The following OCRL variants were observed in gnomAD, a reference collection of about 807,000 sequenced individuals.
OCRL encodes the protein inositol polyphosphate 5-phosphatase OCRL.
Under a neutral mutation model 78.9 loss-of-function variants are expected in OCRL, and 8 were observed. That is an observed-to-expected ratio of 0.10 (90% CI 0.06 to 0.18). OCRL has a LOEUF of 0.18. Among genes scored for constraint, OCRL ranks in the 10% least tolerant of loss-of-function variants. The probability of loss-of-function intolerance (pLI) is 1.00; values close to 1 mark genes in which losing one functional copy is unlikely to be tolerated. For synonymous variants in OCRL, 240 were observed against 235.4 expected, an observed-to-expected ratio of 1.02 and a Z score of -0.18; for missense variants, 454 against 696.7, an observed-to-expected ratio of 0.65 and a Z score of 3.92.
In OCRL at chrX:129,544,963, T is replaced by C; in HGVS notation, c.125T>C (p.Ile42Thr). ...LAQRNGQYEL[I>T]IQLHEKEQHV... is the part of the protein sequence containing the mutation. Reference sequence around the variant, plus strand: ...TGCGTTCTTCTGTTTCCTAGGTTAATAATCCAGTTGCATGAGAAGGAACAG... The same window carrying C: ...TGCGTTCTTCTGTTTCCTAGGTTAACAATCCAGTTGCATGAGAAGGAACAG... Residue 42 changes from isoleucine (I) to threonine (T), a missense_variant, in exon 3 of 24, where the codon ATA becomes ACA. Transcript: ENST00000371113. 8.7e-7 allele frequency: 1 copy of C among 1,152,519 alleles called. No homozygotes were observed. The highest frequency in any genetic ancestry group is 1.8e-5 in the South Asian group (1 of 55,681). 95.0% of individuals were successfully genotyped at this position (1,152,519 alleles called of 1,213,427 possible).
intron 18 of OCRL, among the ~76,000 whole-genome samples, chrX:129,583,272 G>A (rs1161540018): frequency 2.7e-5 from 3 of 111,845 alleles, no homozygotes; most frequent in Non-Finnish European, 5.6e-5. Context: ...TCTTTTAAGT[G>A]GGGTTTCTCA....
intron 12 of OCRL, 141 bp downstream of exon 12, chrX:129,562,927 T>C (rs1169709968): frequency 1.1e-5 from 6 of 544,254 alleles, no homozygotes; most frequent in Non-Finnish European, 1.8e-5. Context: ...GAGAGGGTTT[T>C]TGAGTAATAA....
chrX:129,588,457 C>T (rs1936544207), intron 21 of OCRL, among the ~76,000 whole-genome samples, 194 bp downstream of exon 21: 1 of 112,016 alleles, frequency 8.9e-6, no homozygotes, highest in Non-Finnish European at 1.9e-5. Flanking sequence ...CCAGCTCTTA[C>T]TAAAAGGAAG....
chrX:129,554,153 A>G lies in OCRL; in HGVS notation c.239-3172A>G, dbSNP rs774779451. Among the ~76,000 whole-genome samples, 6 of 74,778 alleles carry G rather than the reference A, an allele frequency of 8.0e-5. 1 individual carries two copies. The South Asian group carries it at 3.2e-3, about 40-fold the overall frequency. The allele number at this position is 74,778 out of a possible 115,157, so 64.9% of individuals were successfully genotyped here. A position where few individuals can be genotyped will look rare whatever the true frequency, so the allele number is the denominator to read the frequency against. ...ATGGGCTGGAGGTTCCCATCAGATT[A>G]AAAAAAAAAAACAGTTACAATGGGG... On this transcript the variant is annotated intron_variant, in intron 4 of 23. Transcript: ENST00000371113.
At chrX:129,578,473 A>G (rs1936400406) in intron 18 of OCRL, among the ~76,000 whole-genome samples, 1 of 104,209 alleles carries the variant, frequency 9.6e-6, no homozygotes, top group Admixed American at 1.0e-4. Flanking sequence ...AACTTATCCC[A>G]TTTATACTCT....
intron 22 of OCRL, 89 bp downstream of exon 22, chrX:129,589,102 G>C: frequency 9.6e-7 from 1 of 1,041,105 alleles, no homozygotes; most frequent in South Asian, 1.9e-5. Context: ...GCAGCCAGCT[G>C]TCTGGTAGGA....
At chrX:129,567,479 C>T (rs1936232233) in intron 14 of OCRL, 116 bp downstream of exon 14, 1 of 505,995 alleles carries the variant, frequency 2.0e-6, no homozygotes, top group Non-Finnish European at 3.5e-6. Flanking sequence ...GATATATAAA[C>T]CTAATGGCTC....
Position 129,569,519 on chromosome X carries a change from C to T in OCRL, c.1602+120C>T, listed in dbSNP as rs1936269745. Reference sequence around the variant, plus strand: ...CATAAATGTTCCATAACCAAATAACCATTTGCAGCATTGAGAGGTTAGTGC... The same window carrying T: ...CATAAATGTTCCATAACCAAATAACTATTTGCAGCATTGAGAGGTTAGTGC... On this transcript the variant is annotated intron_variant, in intron 15 of 23. Coordinates refer to ENST00000371113, the MANE Select transcript of OCRL (RefSeq NM_000276.4). 8.8e-6 allele frequency: 7 copies of T among 796,076 alleles called. No homozygotes were observed. In the Admixed American group the frequency reaches 1.4e-4, roughly 16 times the overall value. 65.6% of individuals were successfully genotyped at this position (796,076 alleles called of 1,213,427 possible).
At chrX:129,547,000 C>T (rs1374908137) in intron 3 of OCRL, among the ~76,000 whole-genome samples, 2 of 110,770 alleles carry the variant, frequency 1.8e-5, no homozygotes, top group Non-Finnish European at 3.8e-5. Context: ...AGGAGGATTG[C>T]TTGAGCCCAG....
At chrX:129,564,517 T>G (rs751686985) in intron 12 of OCRL, among the ~76,000 whole-genome samples, 11 of 110,921 alleles carry the variant, frequency 9.9e-5, no homozygotes, top group South Asian at 3.8e-4. Flanking sequence ...GTGGCACATA[T>G]ACACCATGGA....
At chrX:129,544,471 A>G (rs1036278493) in intron 2 of OCRL, among the ~76,000 whole-genome samples, 3 of 111,600 alleles carry the variant, frequency 2.7e-5, no homozygotes, top group Admixed American at 1.9e-4. Context: ...GTTTGAAGAG[A>G]CAGATCCATT....
At chrX:129,545,082 G>T (rs201915770) in intron 3 of OCRL, 45 bp downstream of exon 3, 2 of 679,693 alleles carry the variant, frequency 2.9e-6, no homozygotes, top group Non-Finnish European at 2.4e-6. Context: ...GTTTTTTCTC[G>T]GTCATTACTG....
rs757782313 is a variant in OCRL at position 129,545,151 on chromosome X, C to G, written c.199+114C>G. ...AGTGCATGTAAAATGAAATGTATTA[C>G]TCTTTGCATAAAAAGATAACATTGA... On this transcript the variant is annotated intron_variant, in intron 3 of 23. Transcript: ENST00000371113. 1.2e-5 allele frequency: 6 copies of G among 490,317 alleles called. No individual in the cohort carries two copies. The East Asian group carries it at 2.2e-4, about 18-fold the overall frequency. The allele number at this position is 490,317 out of a possible 1,213,427, so 40.4% of individuals were successfully genotyped here.
chrX:129,567,816 C>T (rs995057213), intron 14 of OCRL, among the ~76,000 whole-genome samples: 3 of 111,792 alleles, frequency 2.7e-5, no homozygotes, highest in African/African-American at 9.8e-5. Context: ...ACTTTAGAAT[C>T]CCTTAGAGAA....
intron 12 of OCRL, among the ~76,000 whole-genome samples, chrX:129,564,538 G>A (rs1462242898): frequency 9.0e-6 from 1 of 111,126 alleles, no homozygotes; most frequent in Non-Finnish European, 1.9e-5. Context: ...ATACTATGCA[G>A]CCATAAAAAA....
intron 4 of OCRL, among the ~76,000 whole-genome samples, chrX:129,557,095 C>T (rs950201561): frequency 3.6e-5 from 4 of 111,118 alleles, no homozygotes; most frequent in Non-Finnish European, 5.7e-5. Context: ...CTCATGGACA[C>T]GGTTCATCAG....
rs570633516 is a variant in OCRL, at chrX:129,568,027, C to T, written c.1466+664C>T. Among the ~76,000 whole-genome samples, 37 of 109,794 alleles carry T rather than the reference C, an allele frequency of 3.4e-4. No individual in the cohort carries two copies. In the South Asian group the frequency reaches 0.014, roughly 42 times the overall value. On this transcript the variant is annotated intron_variant, in intron 14 of 23. Transcript: ENST00000371113. ...TTCCCGGGTTCACGCCATTCTCCTGCCTCAGCCTCCCGAGTAGCTGGGACT... is the reference window on the plus strand; with the variant it reads ...TTCCCGGGTTCACGCCATTCTCCTGTCTCAGCCTCCCGAGTAGCTGGGACT...
chrX:129,559,112 G>C, intron 8 of OCRL, 111 bp downstream of exon 8: 3 of 719,399 alleles, frequency 4.2e-6, no homozygotes, highest in Non-Finnish European at 6.2e-6. Flanking sequence ...TGATAAAAAG[G>C]AATGGTTGCC....
chrX:129,540,698 C>G (rs763687446), intron 1 of OCRL, 46 bp from the exon 2 acceptor site: 22 of 1,083,410 alleles, frequency 2.0e-5, no homozygotes, highest in Non-Finnish European at 2.4e-5. Context: ...GTGCACCACT[C>G]CTCCCCACCG....
Sources: gnomAD v4.1 joint callset for allele counts (sites outside exome capture counted in the v4.1 genomes callset) on GRCh38, gnomAD v4.1.1 for gene constraint, MANE v1.5 for transcripts, NCBI Gene and HGNC (gene_info 2026-07-23, HGNC 2026-07-21) for gene names.